CCDC187: variants seen among roughly 807,000 people sequenced by gnomAD.
CCDC187 encodes coiled-coil domain containing 187, also known as coiled-coil domain-containing protein 187.
A neutral mutation model predicts 38.0 loss-of-function variants in CCDC187; 32 were observed. That is an observed-to-expected ratio of 0.84 (90% CI 0.64 to 1.13). CCDC187 has a LOEUF of 1.13. CCDC187 is among the 50% of genes most tolerant of loss of function. The probability of loss-of-function intolerance (pLI) is 0.00; values close to 1 mark genes in which losing one functional copy is unlikely to be tolerated. For synonymous variants in CCDC187, 333 were observed against 347.9 expected (o/e 0.96, Z 0.48); for missense variants, 707 against 786.8 (o/e 0.90, Z 1.21).
At chr9:136,288,270 C>T (rs896584282) in intron 7 of CCDC187, among the ~76,000 whole-genome samples, 46 of 152,098 alleles carry the variant, frequency 3.0e-4, no homozygotes, top group Non-Finnish European at 5.6e-4. Flanking sequence ...CCCAGACTCC[C>T]GGGAAAGAAT....
Position 136,286,521 on chromosome 9 carries a change from G to T in CCDC187, c.2397C>A (p.Ile799=). 1 of 398,804 alleles carries T rather than the reference G, an allele frequency of 2.5e-6. No individual in the cohort carries two copies. The highest frequency in any genetic ancestry group is 4.4e-6 in the Non-Finnish European group (1 of 226,176). 24.7% of individuals were successfully genotyped at this position (398,804 alleles called of 1,614,324 possible). ...TTRYLPRGMC[I]YLDPKEAEHL... ...GCTCAGCCTCCTTTGGGTCCAGGTA[G>T]ATGCACATCCCCCGGGGTAGGTAGC... Residue 799 remains isoleucine, a synonymous_variant, in exon 8 of 26, where the codon ATC becomes ATA. Transcript: ENST00000638797.
At chr9:136,281,334 G>C (rs1831035884) in intron 10 of CCDC187, 1 of 398,280 alleles carries the variant, frequency 2.5e-6, no homozygotes, top group Non-Finnish European at 4.4e-6. Context: ...CATCCACCGA[G>C]GGCCCATCAC....
intron 7 of CCDC187, among the ~76,000 whole-genome samples, chr9:136,289,224 T>C (rs1182283161): frequency 6.6e-6 from 1 of 152,028 alleles, no homozygotes; most frequent in African/African-American, 2.4e-5. Context: ...ATGTCAAGAA[T>C]AGGCAAATCC....
intron 23 of CCDC187, among the ~76,000 whole-genome samples, 167 bp downstream of exon 23, chr9:136,256,538 T>G (rs965177954): frequency 6.6e-5 from 10 of 152,230 alleles, no homozygotes; most frequent in African/African-American, 2.4e-4. Flanking sequence ...GCCCAGGTGT[T>G]GAGTCTTAGG....
rs187067012 is a variant in CCDC187, at chr9:136,261,650, G to A, written c.4064+661C>T. Among the ~76,000 whole-genome samples the A allele has an allele frequency of 3.9e-4, 60 of 152,352 alleles. 1 individual carries two copies. In the East Asian group the frequency reaches 0.01, roughly 25 times the overall value. ...CTTCAGGAGGAGGCACGGAGCCAATGGCCGAGCCTGAGTGGCCAGCAACTC... is the reference window on the plus strand; with the variant it reads ...CTTCAGGAGGAGGCACGGAGCCAATAGCCGAGCCTGAGTGGCCAGCAACTC... On this transcript the variant is annotated intron_variant, in intron 19 of 25. Transcript: ENST00000638797.
chr9:136,255,093 G>A lies in CCDC187; in HGVS notation c.4735C>T (p.His1579Tyr), dbSNP rs1315404744. Residue 1579 changes from histidine (H) to tyrosine (Y), a missense_variant, in exon 26 of 26, where the codon CAC becomes TAC. Transcript: ENST00000638797. ...VPEEAAPPILHQGSPLLPTTS... is the reference protein window; with the variant it reads ...VPEEAAPPILYQGSPLLPTTS... ...GTGGGGAGAAGGGGACTGCCCTGGT[G>A]CAGGATTGGGGGCGCCGCCTCCTCA... is the stretch of plus-strand genomic sequence containing the variant. The A allele has an allele frequency of 5.1e-6, 5 of 985,488 alleles. No homozygotes were observed. The highest frequency in any genetic ancestry group is 6.0e-6 in the Non-Finnish European group (5 of 830,066). 61.0% of individuals were successfully genotyped at this position (985,488 alleles called of 1,614,324 possible). A position where few individuals can be genotyped will look rare whatever the true frequency, so the allele number is the denominator to read the frequency against.
At chr9:136,294,761 G>C (rs1831493509) in intron 4 of CCDC187, among the ~76,000 whole-genome samples, 1 of 152,186 alleles carries the variant, frequency 6.6e-6, no homozygotes, top group South Asian at 2.1e-4. Context: ...CCCAAGGACA[G>C]GCTTCCCATG....
rs894415145 is a variant in CCDC187, at chr9:136,303,839, G to T, written c.-9C>A. 6.6e-6 allele frequency: 1 copy of T among 152,394 alleles called. No homozygotes were observed. Among genetic ancestry groups the T allele is most frequent in the Non-Finnish European group, 1.5e-5 (1 of 68,196 alleles). The allele number at this position is 152,394 out of a possible 1,614,324, so 9.4% of individuals were successfully genotyped here. On this transcript the variant is annotated 5_prime_UTR_variant, in exon 1 of 26. Coordinates refer to ENST00000638797, the MANE Select transcript of CCDC187 (RefSeq NM_001378188.1). ...ACGACCAGGGTCGGCATGGCCGCGGGGCTGAGGGGAGAGCAGGTGCAAGGT... is the reference window on the plus strand; with the variant it reads ...ACGACCAGGGTCGGCATGGCCGCGGTGCTGAGGGGAGAGCAGGTGCAAGGT...
intron 3 of CCDC187, among the ~76,000 whole-genome samples, chr9:136,298,383 C>T: frequency 6.6e-6 from 1 of 152,280 alleles, no homozygotes; most frequent in Middle Eastern, 3.4e-3. Context: ...AGATGGAGAG[C>T]CCGAGGGGGC....
chr9:136,260,906 G>A (rs1329615086), intron 19 of CCDC187, among the ~76,000 whole-genome samples: 7 of 152,204 alleles, frequency 4.6e-5, no homozygotes, highest in Non-Finnish European at 8.8e-5. Context: ...TGACGCCAGT[G>A]TGTGCCCCAC....
chr9:136,277,491 G>A (rs1830955832), intron 10 of CCDC187, among the ~76,000 whole-genome samples: 3 of 126,214 alleles, frequency 2.4e-5, no homozygotes, highest in African/African-American at 8.8e-5. Context: ...TGAGGGGGTG[G>A]GCAGGTGCTG....
Position 136,290,553 on chromosome 9 carries a change from G to GC in CCDC187, c.2059dup (p.Ala687GlyfsTer68). ...GGTGGTCCGGGAGACCACGGGGACC[G>GC]CCCTGCCGAGGACGGCCTCCCTCTG... On this transcript the variant is annotated frameshift_variant, in exon 6 of 26. Coordinates refer to ENST00000638797, the MANE Select transcript of CCDC187 (RefSeq NM_001378188.1). LOFTEE classifies it high-confidence loss of function. The GC allele has an allele frequency of 2.5e-6, 1 of 399,018 alleles. No individual in the cohort carries two copies. Among genetic ancestry groups the GC allele is most frequent in the Non-Finnish European group, 4.4e-6 (1 of 226,416 alleles). The allele number at this position is 399,018 out of a possible 1,614,324, so 24.7% of individuals were successfully genotyped here.
In CCDC187 at chr9:136,252,413, GCCGC is replaced by G. The variant is rs1830558767; in HGVS notation, c.*1177_*1180del. 5.1e-6 allele frequency: 1 copy of G among 196,348 alleles called. No homozygotes were observed. Among genetic ancestry groups the G allele is most frequent in the African/African-American group, 2.5e-5 (1 of 40,050 alleles). The allele number at this position is 196,348 out of a possible 1,614,324, so 12.2% of individuals were successfully genotyped here. A position where few individuals can be genotyped will look rare whatever the true frequency, so the allele number is the denominator to read the frequency against. On this transcript the variant is annotated 3_prime_UTR_variant, in exon 26 of 26. Coordinates refer to ENST00000638797, the MANE Select transcript of CCDC187 (RefSeq NM_001378188.1). ...TCCAGGCAACCGTCCCGCACAGCCG[GCCGC>G]CCACCCTGTCCACCGGGGGAAGGTC...
intron 19 of CCDC187, 133 bp from the exon 20 acceptor site, chr9:136,260,397 T>G (rs1344587319): frequency 2.0e-6 from 1 of 506,148 alleles, no homozygotes; most frequent in Admixed American, 6.5e-5. Flanking sequence ...ATGGCTGTGG[T>G]CAGTGGCCAA....
At chr9:136,299,695 A>G (rs1831626857) in intron 3 of CCDC187, among the ~76,000 whole-genome samples, 1 of 152,162 alleles carries the variant, frequency 6.6e-6, no homozygotes, top group Non-Finnish European at 1.5e-5. Context: ...CCATTTGTTG[A>G]GCAAATGAGT....
chr9:136,293,391 TCACA>T (rs1183011559), intron 4 of CCDC187, among the ~76,000 whole-genome samples: 3 of 108,652 alleles, frequency 2.8e-5, no homozygotes, highest in Admixed American at 9.4e-5. Context: ...ACTCACATGC[TCACA>T]CACTCACAAA....
At chr9:136,287,464 G>A (rs989957785) in intron 7 of CCDC187, among the ~76,000 whole-genome samples, 334 of 152,276 alleles carry the variant, frequency 2.2e-3, no homozygotes, top group African/African-American at 7.1e-3. Context: ...CAGAGTCCTC[G>A]TTCATCACGC....
chr9:136,283,516 C>T (rs1831096647), intron 9 of CCDC187, among the ~76,000 whole-genome samples: 1 of 152,258 alleles, frequency 6.6e-6, no homozygotes, highest in Non-Finnish European at 1.5e-5. Flanking sequence ...CTGCTCTCCA[C>T]CAGCCCGGGT....
intron 9 of CCDC187, among the ~76,000 whole-genome samples, chr9:136,281,864 A>AGGAGGCAGGGGTGAGCG (rs1359527050): frequency 3.9e-5 from 6 of 151,954 alleles, no homozygotes; most frequent in Admixed American, 1.3e-4. Context: ...CCTGGGAGCC[A>AGGAGGCAGGGGTGAGCG]GGAGGCAGGG....
Sources: allele counts gnomAD v4.1 joint callset (sites outside exome capture counted in the v4.1 genomes callset), GRCh38; gene constraint gnomAD v4.1.1; transcripts MANE v1.5; gene names NCBI Gene and HGNC (gene_info 2026-07-23, HGNC 2026-07-21).